The following ARHGAP24 variants were observed in gnomAD, a reference collection of about 807,000 sequenced individuals.
ARHGAP24 encodes the protein Rho GTPase activating protein 24, also known as rho GTPase-activating protein 24.
ARHGAP24 carries 50 observed loss-of-function variants against 76.4 expected under a neutral mutation model. The ratio of observed to expected loss-of-function variants is 0.65; its 90% CI spans 0.52 to 0.83. ARHGAP24 has a LOEUF of 0.83. ARHGAP24 is among the 40% of genes least tolerant of loss of function. ARHGAP24 has a pLI of 0.00. For synonymous variants in ARHGAP24, 345 were observed against 323.3 expected (o/e 1.07, Z -0.72); for missense variants, 930 against 914.2 (o/e 1.02, Z -0.22).
chr4:85,723,616 A>C (rs1725041946), intron 3 of ARHGAP24: 1 of 152,248 alleles, frequency 6.6e-6, no homozygotes. Flanking sequence ...ATGTGAGTAG[A>C]TCATTTGAAA....
chr4:85,700,864 T>C lies in ARHGAP24; in HGVS notation c.181-21021T>C, dbSNP rs570306930. On this transcript the variant is annotated intron_variant, in intron 2 of 9. Coordinates refer to ENST00000395184, the MANE Select transcript of ARHGAP24 (RefSeq NM_001025616.3). ...TTGAAATTTATCTGGTATATTTTCC[T>C]TTATATAGTATCTTCCAGCAGGCAA... 2.0e-5 allele frequency among the ~76,000 whole-genome samples: 3 copies of C among 152,334 alleles called. No homozygotes were observed. The South Asian group carries it at 6.2e-4, about 32-fold the overall frequency.
chr4:85,863,420 C>A (rs550609408), intron 3 of ARHGAP24, among the ~76,000 whole-genome samples: 5 of 152,050 alleles, frequency 3.3e-5, no homozygotes, highest in Non-Finnish European at 7.4e-5. Context: ...ATATTATAAT[C>A]TTTTTAAAAA....
intron 3 of ARHGAP24, among the ~76,000 whole-genome samples, chr4:85,786,649 A>AACAC (rs71672795): frequency 8.6e-5 from 13 of 151,820 alleles, no homozygotes; most frequent in Admixed American, 1.3e-4. Flanking sequence ...ATCTCTTATG[A>AACAC]ACACACACAC....
chr4:85,974,527 T>C (rs566625393), intron 6 of ARHGAP24, among the ~76,000 whole-genome samples: 1 of 152,338 alleles, frequency 6.6e-6, no homozygotes, highest in East Asian at 1.9e-4. Context: ...GTCTATGTTC[T>C]GCACATGCTG....
At chr4:85,577,520 A>G (rs558410999) in intron 2 of ARHGAP24, among the ~76,000 whole-genome samples, 11 of 152,306 alleles carry the variant, frequency 7.2e-5, no homozygotes, top group South Asian at 2.1e-4. Context: ...ACATGAGCAC[A>G]TCTAACTGCA....
Position 85,972,100 on chromosome 4 carries a change from GT to G in ARHGAP24, c.666del (p.Ile223PhefsTer27). The G allele has an allele frequency of 6.2e-7, 1 of 1,613,996 alleles. No homozygotes were observed. Among genetic ancestry groups the G allele is most frequent in the East Asian group, 2.2e-5 (1 of 44,874 alleles). The part of the protein sequence containing the change: ...KLYLRELPEP[V>X]IPYAKYEDFL... The stretch of plus-strand genomic sequence containing the variant: ...GTACCTCCGAGAACTTCCAGAACCA[GT>G]TATTCCTTATGCGAAGTATGAAGAT... On this transcript the variant is annotated frameshift_variant, in exon 6 of 10. Transcript: ENST00000395184. LOFTEE classifies it high-confidence loss of function.
chr4:85,566,509 T>G (rs1726851306), intron 1 of ARHGAP24, among the ~76,000 whole-genome samples: 1 of 152,220 alleles, frequency 6.6e-6, no homozygotes, highest in African/African-American at 2.4e-5. Context: ...AAAGTCAAGT[T>G]CTTAGCGTAC....
intron 1 of ARHGAP24, among the ~76,000 whole-genome samples, chr4:85,564,987 A>C (rs116490743): frequency 7.2e-6 from 1 of 139,140 alleles, no homozygotes; most frequent in South Asian, 2.4e-4. Context: ...CCCACCATAC[A>C]CCCACACATA....
intron 3 of ARHGAP24, among the ~76,000 whole-genome samples, chr4:85,813,897 C>T (rs577448734): frequency 8.7e-5 from 13 of 149,034 alleles, no homozygotes; most frequent in South Asian, 8.4e-4. Context: ...AAGACATACC[C>T]GAGACTGGGC....
chr4:85,702,258 G>A (rs17010622), intron 2 of ARHGAP24, among the ~76,000 whole-genome samples: 2,059 of 152,192 alleles, frequency 0.014, 48 homozygotes, highest in African/African-American at 0.045. Flanking sequence ...TGGTGAAAAC[G>A]CAGAACAAAA....
intron 8 of ARHGAP24, among the ~76,000 whole-genome samples, chr4:85,993,619 G>T (rs1428669319): frequency 6.6e-6 from 1 of 152,134 alleles, no homozygotes; most frequent in Non-Finnish European, 1.5e-5. Flanking sequence ...ATGAAATTAT[G>T]CATTGTCAAA....
chr4:85,847,940 A>G (rs903652965), intron 3 of ARHGAP24, among the ~76,000 whole-genome samples: 2 of 152,140 alleles, frequency 1.3e-5, no homozygotes, highest in Non-Finnish European at 2.9e-5. Context: ...CTCATTTTTC[A>G]GTTGAAGAAA....
intron 3 of ARHGAP24, among the ~76,000 whole-genome samples, chr4:85,874,455 G>A (rs1025142577): frequency 5.9e-5 from 9 of 152,002 alleles, no homozygotes; most frequent in African/African-American, 2.2e-4. Context: ...TCCTTAATAA[G>A]CCACTACTGG....
chr4:85,537,902 AG>A, intron 1 of ARHGAP24, among the ~76,000 whole-genome samples: 1 of 152,320 alleles, frequency 6.6e-6, no homozygotes, highest in Non-Finnish European at 1.5e-5. Context: ...TATTGGTGTC[AG>A]GGTTTTTCTG....
intron 3 of ARHGAP24, among the ~76,000 whole-genome samples, chr4:85,845,899 C>A (rs1312997922): frequency 6.6e-6 from 1 of 151,736 alleles, no homozygotes; most frequent in East Asian, 1.9e-4. Flanking sequence ...AATTTTTTTT[C>A]TTTTTCTTTT....
At chr4:85,735,524 T>C (rs1250329984) in intron 3 of ARHGAP24, among the ~76,000 whole-genome samples, 1 of 152,232 alleles carries the variant, frequency 6.6e-6, no homozygotes, top group Non-Finnish European at 1.5e-5. Context: ...TTACTCCTTT[T>C]TTCTGGGTAC....
intron 1 of ARHGAP24, among the ~76,000 whole-genome samples, chr4:85,549,944 T>C (rs1726063647): frequency 6.6e-6 from 1 of 152,240 alleles, no homozygotes; most frequent in Non-Finnish European, 1.5e-5. Context: ...TCTCCTTTTT[T>C]ATGGCTACAT....
At chr4:85,733,094 C>T (rs1189939722) in intron 3 of ARHGAP24, among the ~76,000 whole-genome samples, 1 of 23,274 alleles carries the variant, frequency 4.3e-5, no homozygotes, top group African/African-American at 1.2e-4. Context: ...GATGGAGTTT[C>T]GCTCTGTCAC....
At chr4:85,678,095 C>T (rs969988060) in intron 2 of ARHGAP24, among the ~76,000 whole-genome samples, 2 of 151,946 alleles carry the variant, frequency 1.3e-5, no homozygotes, top group Non-Finnish European at 2.9e-5. Flanking sequence ...CCTGGCCTGC[C>T]ATGGTAACTC....
Sources: gnomAD v4.1 joint callset for allele counts (sites outside exome capture counted in the v4.1 genomes callset) on GRCh38, gnomAD v4.1.1 for gene constraint, MANE v1.5 for transcripts, NCBI Gene and HGNC (gene_info 2026-07-23, HGNC 2026-07-21) for gene names.